Variants in NOTCH2 observed in about 807,000 individuals in gnomAD.
NOTCH2 encodes notch receptor 2, also known as neurogenic locus notch homolog protein 2.
A neutral mutation model predicts 235.8 loss-of-function variants in NOTCH2; 29 were observed. That is an observed-to-expected ratio of 0.12 (90% CI 0.09 to 0.17). The LOEUF (loss-of-function observed/expected upper bound fraction) is 0.17, where lower values mean the gene tolerates loss of function less well. NOTCH2 is among the 10% of genes least tolerant of loss of function. The probability of loss-of-function intolerance (pLI) is 1.00; values close to 1 mark genes in which losing one functional copy is unlikely to be tolerated. For missense variants in NOTCH2, 2,285 were observed against 3,150.2 expected (o/e 0.73, Z 6.57); for synonymous variants, 1,086 against 1,141.5 (o/e 0.95, Z 0.98).
At chr1:120,038,499 A>ATC (rs1178052272) in intron 1 of NOTCH2, among the ~76,000 whole-genome samples, 1 of 127,188 alleles carries the variant, frequency 7.9e-6, no homozygotes. Context: ...TGGCTCACTC[A>ATC]TCTCTCTCTC....
chr1:119,931,877 G>GA lies in NOTCH2; in HGVS notation c.3656-2666dup, dbSNP rs1294234762. ...AGTGTGCACTAAAAATCACTATAAA[G>GA]AAAAAAGATAAAAAAATACTGGGAA... On this transcript the variant is annotated intron_variant, in intron 22 of 33. Coordinates refer to ENST00000256646, the MANE Select transcript of NOTCH2 (RefSeq NM_024408.4). Among the ~76,000 whole-genome samples the GA allele has an allele frequency of 2.3e-4, 34 of 149,908 alleles. 1 individual carries two copies. Among genetic ancestry groups the GA allele is most frequent in the Non-Finnish European group, 3.0e-5 (2 of 67,460 alleles).
At chr1:119,996,763 A>G (rs1553204215) in intron 4 of NOTCH2, 3 of 961,794 alleles carry the variant, frequency 3.1e-6, no homozygotes, top group African/African-American at 1.6e-5. Flanking sequence ...AAGGGACAAT[A>G]AACAATTTTC....
rs1553218024 is a variant in NOTCH2 at position 120,069,506 on chromosome 1, C to G, written c.-100G>C. 6.9e-7 allele frequency: 1 copy of G among 1,458,114 alleles called. No homozygotes were observed. Among genetic ancestry groups the G allele is most frequent in the African/African-American group, 1.5e-5 (1 of 66,930 alleles). The allele number at this position is 1,458,114 out of a possible 1,614,324, so 90.3% of individuals were successfully genotyped here. A position where few individuals can be genotyped will look rare whatever the true frequency, so the allele number is the denominator to read the frequency against. On this transcript the variant is annotated 5_prime_UTR_variant, in exon 1 of 34. Transcript: ENST00000256646. Reference sequence around the variant, plus strand: ...AGGAGCCCCACTCTCTCCTCCCCTCCTCCTGCTTCAAAGGCTCAGGCCCTG... The same window carrying G: ...AGGAGCCCCACTCTCTCCTCCCCTCGTCCTGCTTCAAAGGCTCAGGCCCTG...
chr1:120,045,818 A>G (rs1570781576), intron 1 of NOTCH2, among the ~76,000 whole-genome samples: 1 of 152,286 alleles, frequency 6.6e-6, no homozygotes, highest in African/African-American at 2.4e-5. Context: ...TATCTTAGAC[A>G]TTAAACTCTT....
In NOTCH2 at chr1:119,923,924, A is replaced by T. The variant is rs1247377683; in HGVS notation, c.4572T>A (p.Ser1524Arg). Residue 1524 changes from serine (S) to arginine (R), a missense_variant, in exon 26 of 34, where the codon AGT (serine) becomes AGA (arginine). By Grantham distance (110) the Ser-to-Arg change is moderately radical. This residue lies in a region of NOTCH2 where 1,173 missense variants were observed against 1,515.3 expected (regional missense o/e 0.77). Transcript: ENST00000256646. ...KDNHCDQGCN[S>R]EECGWDGLDC... ...CCAGCCCATCCCAACCACACTCCTC[A>T]CTGTTGCACCCCTGGTCACAGTGGT... 1 of 1,614,130 alleles carries T rather than the reference A, an allele frequency of 6.2e-7. No individual in the cohort carries two copies. Among genetic ancestry groups the T allele is most frequent in the Non-Finnish European group, 8.5e-7 (1 of 1,180,018 alleles).
intron 12 of NOTCH2, among the ~76,000 whole-genome samples, chr1:119,958,485 G>A (rs1407719617): frequency 6.6e-6 from 1 of 152,174 alleles, no homozygotes; most frequent in African/African-American, 2.4e-5. Flanking sequence ...TCTCACATTC[G>A]AGTACAAACA....
rs1042482999 is a variant in NOTCH2 at position 119,989,072 on chromosome 1, A to C, written c.752-1990T>G. On this transcript the variant is annotated intron_variant, in intron 4 of 33. Coordinates refer to ENST00000256646, the MANE Select transcript of NOTCH2 (RefSeq NM_024408.4). ...GTAGGTAAGAAGGGAGGTAGGTAAG[A>C]CAGTTATTTCATAGCTAAAAGCATG... Among the ~76,000 whole-genome samples the C allele has an allele frequency of 8.5e-5, 13 of 152,320 alleles. No homozygotes were observed. The East Asian group carries it at 1.7e-3, about 20-fold the overall frequency.
Position 119,959,444 on chromosome 1 carries a change from G to C in NOTCH2, c.1974C>G (p.Ile658Met). 1 of 1,612,336 alleles carries C rather than the reference G, an allele frequency of 6.2e-7. No individual in the cohort carries two copies. The highest frequency in any genetic ancestry group is 8.5e-7 in the Non-Finnish European group (1 of 1,178,414). Residue 658 changes from isoleucine (I) to methionine (M), a missense_variant, in exon 12 of 34, where the codon ATC (isoleucine) becomes ATG (methionine). Physicochemically the swap from Ile to Met is conservative, Grantham distance 10. This residue lies in a region of NOTCH2 where 431 missense variants were observed against 757.8 expected (regional missense o/e 0.57). Coordinates refer to ENST00000256646, the MANE Select transcript of NOTCH2 (RefSeq NM_024408.4). The part of the protein sequence containing the change: ...DCASNPCIHG[I>M]CMDGINRYSC... ...TGTAGCGATTAATGCCATCCATACA[G>C]ATTCCATGGATACAAGGGTTACTTG...
chr1:120,069,245 C>T, intron 1 of NOTCH2, 89 bp downstream of exon 1: 1 of 1,527,610 alleles, frequency 6.5e-7, no homozygotes, highest in Middle Eastern at 2.1e-4. Context: ...GCCTGGCCTT[C>T]CCACACAGAG....
chr1:119,986,511 T>C (rs948196835), intron 5 of NOTCH2, among the ~76,000 whole-genome samples: 13 of 152,216 alleles, frequency 8.5e-5, no homozygotes, highest in Non-Finnish European at 1.3e-4. Context: ...TGCCTAGTTA[T>C]AGAACATGAC....
chr1:119,951,207 A>T (rs1158512470), intron 14 of NOTCH2, among the ~76,000 whole-genome samples: 1 of 152,090 alleles, frequency 6.6e-6, no homozygotes, highest in Non-Finnish European at 1.5e-5. Flanking sequence ...GCTGGAGTGC[A>T]GTTGTGTAAT....
intron 25 of NOTCH2, among the ~76,000 whole-genome samples, chr1:119,924,282 A>C (rs1649389534): frequency 6.6e-6 from 1 of 152,322 alleles, no homozygotes; most frequent in African/African-American, 2.4e-5. Context: ...TGCATATCTG[A>C]AACAAAAGTC....
rs2101184818 is a variant in NOTCH2 at position 119,986,982 on chromosome 1, G to A, written c.852C>T (p.Cys284=). The A allele has an allele frequency of 6.2e-7, 1 of 1,613,610 alleles. No individual in the cohort carries two copies. The highest frequency in any genetic ancestry group is 1.1e-5 in the South Asian group (1 of 91,086). ...VCVDGVNTYN[C]RCPPQWTGQF... Reference sequence around the variant, plus strand: ...TACCTGTCCATTGTGGGGGACAGCGGCAGTTGTAAGTGTTGACCCCATCCA... The same window carrying A: ...TACCTGTCCATTGTGGGGGACAGCGACAGTTGTAAGTGTTGACCCCATCCA... Residue 284 remains cysteine (C), a synonymous_variant, in exon 5 of 34, where the codon TGC becomes TGT. Transcript: ENST00000256646.
intron 11 of NOTCH2, 142 bp downstream of exon 11, chr1:119,963,432 T>C (rs1553199273): frequency 1.2e-6 from 1 of 816,358 alleles, no homozygotes; most frequent in Admixed American, 1.7e-5. Flanking sequence ...GAGACATTTA[T>C]GTTTGTGGCT....
intron 2 of NOTCH2, 25 bp from the exon 3 acceptor site, chr1:120,005,613 T>G: frequency 7.1e-7 from 1 of 1,399,236 alleles, no homozygotes; most frequent in Non-Finnish European, 1.0e-6. Context: ...GAAGAGTCCA[T>G]GAAAACACCT....
At chr1:120,048,629 G>A (rs72697266) in intron 1 of NOTCH2, among the ~76,000 whole-genome samples, 20,962 of 144,512 alleles carry the variant, frequency 0.15, 1,775 homozygotes, top group African/African-American at 0.28. Flanking sequence ...TTTTATTTTC[G>A]TAAAGATGGG....
At chr1:120,005,306 C>T (rs1474544598) in intron 3 of NOTCH2, 23 bp downstream of exon 3, 14 of 1,613,906 alleles carry the variant, frequency 8.7e-6, no homozygotes, top group Admixed American at 6.7e-5. Context: ...TAGGAAACCA[C>T]TGGCTTTGGT....
At position 119,950,851 on chromosome 1, in the gene NOTCH2, G is replaced by A. The variant is rs1557818409; in HGVS notation, c.2366-14C>T. ...GGCAGTTATAGCCTGTAGACAAAAG[G>A]AAAAAACCAAAAACAGTAAAACTTT... On this transcript the variant is annotated splice_polypyrimidine_tract_variant and intron_variant, in intron 14 of 33. Transcript: ENST00000256646. 6.4e-7 allele frequency: 1 copy of A among 1,551,108 alleles called. No homozygotes were observed. Among genetic ancestry groups the A allele is most frequent in the African/African-American group, 1.4e-5 (1 of 73,636 alleles).
chr1:119,983,790 T>C (rs781992918), intron 5 of NOTCH2, among the ~76,000 whole-genome samples: 5 of 152,116 alleles, frequency 3.3e-5, no homozygotes, highest in Admixed American at 6.5e-5. Context: ...CCAAGCCTTT[T>C]ATGTATATGT....
Sources: allele counts gnomAD v4.1 joint callset (sites outside exome capture counted in the v4.1 genomes callset), GRCh38; gene constraint gnomAD v4.1.1; regional missense constraint gnomAD v4.1.1; transcripts MANE v1.5; gene names NCBI Gene and HGNC (gene_info 2026-07-23, HGNC 2026-07-21).